The following ZDHHC14 variants were observed in gnomAD, a reference collection of about 807,000 sequenced individuals.
ZDHHC14 encodes zDHHC palmitoyltransferase 14.
ZDHHC14 carries 16 observed loss-of-function variants against 47.7 expected under a neutral mutation model. The ratio of observed to expected loss-of-function variants is 0.34; its 90% confidence interval spans 0.23 to 0.51. ZDHHC14 has a LOEUF of 0.51. ZDHHC14 is among the 20% of genes least tolerant of loss of function. The probability of loss-of-function intolerance (pLI) is 0.97; values close to 1 mark genes in which losing one functional copy is unlikely to be tolerated. For synonymous variants in ZDHHC14, 293 were observed against 278.9 expected (o/e 1.05, Z -0.50); for missense variants, 515 against 662.5 (o/e 0.78, Z 2.44).
At chr6:157,655,439 C>T (rs1472558371) in intron 8 of ZDHHC14, among the ~76,000 whole-genome samples, 1 of 152,194 alleles carries the variant, frequency 6.6e-6, no homozygotes, top group Admixed American at 6.5e-5. Context: ...ACACTGCATG[C>T]CTGCAAGCGC....
chr6:157,564,772 A>G (rs1197376540), intron 2 of ZDHHC14, among the ~76,000 whole-genome samples: 1 of 152,212 alleles, frequency 6.6e-6, no homozygotes, highest in Non-Finnish European at 1.5e-5. Flanking sequence ...TGCCAATCTT[A>G]TGATCAGACT....
intron 3 of ZDHHC14, among the ~76,000 whole-genome samples, chr6:157,607,180 C>T (rs755285348): frequency 6.6e-6 from 1 of 152,232 alleles, no homozygotes; most frequent in East Asian, 1.9e-4. Context: ...CGGGCCTCAG[C>T]GGAATGCTGA....
At chr6:157,415,869 G>T (rs1242660907) in intron 1 of ZDHHC14, among the ~76,000 whole-genome samples, 1 of 147,654 alleles carries the variant, frequency 6.8e-6, no homozygotes, top group East Asian at 2.0e-4. Flanking sequence ...GTAAGACTTT[G>T]TCTCAAAAAA....
intron 3 of ZDHHC14, among the ~76,000 whole-genome samples, chr6:157,600,685 C>T (rs903002465): frequency 1.3e-5 from 2 of 152,156 alleles, no homozygotes; most frequent in Non-Finnish European, 1.5e-5. Context: ...GGATTACAGG[C>T]GTGAGCCACC....
chr6:157,438,986 A>G (rs1278321967), intron 1 of ZDHHC14, among the ~76,000 whole-genome samples: 2 of 152,218 alleles, frequency 1.3e-5, no homozygotes, highest in Non-Finnish European at 2.9e-5. Context: ...TAGCCACTCC[A>G]CTGCTTAGAG....
intron 8 of ZDHHC14, among the ~76,000 whole-genome samples, chr6:157,656,575 A>T (rs917152185): frequency 1.3e-5 from 2 of 151,840 alleles, no homozygotes; most frequent in Non-Finnish European, 2.9e-5. Context: ...GCCTCAAGTG[A>T]TCCACCAGCC....
chr6:157,546,451 T>C (rs777190752), intron 2 of ZDHHC14, among the ~76,000 whole-genome samples: 8 of 152,202 alleles, frequency 5.3e-5, no homozygotes, highest in Non-Finnish European at 5.9e-5. Flanking sequence ...TTAAACAGCT[T>C]TCCCCTGTCT....
At chr6:157,597,783 G>C (rs141257827) in intron 3 of ZDHHC14, among the ~76,000 whole-genome samples, 1 of 152,222 alleles carries the variant, frequency 6.6e-6, no homozygotes. Flanking sequence ...GGGGGGCACC[G>C]AGCAGACCAG....
chr6:157,607,328 A>G (rs1325767800), intron 3 of ZDHHC14, among the ~76,000 whole-genome samples: 1 of 152,140 alleles, frequency 6.6e-6, no homozygotes, highest in African/African-American at 2.4e-5. Flanking sequence ...GTTTGTGTAG[A>G]TTTTTTTCAA....
intron 1 of ZDHHC14, among the ~76,000 whole-genome samples, 171 bp downstream of exon 1, chr6:157,382,437 C>T (rs1777233290): frequency 6.6e-6 from 1 of 152,130 alleles, no homozygotes; most frequent in Non-Finnish European, 1.5e-5. Context: ...CTTTTGGGCC[C>T]CCGGAAAGAA....
chr6:157,498,797 G>A (rs1443325135), intron 1 of ZDHHC14, among the ~76,000 whole-genome samples: 1 of 152,202 alleles, frequency 6.6e-6, no homozygotes, highest in East Asian at 1.9e-4. Flanking sequence ...AGTATATCCA[G>A]AGAATAGTGC....
chr6:157,615,298 G>A (rs1019515255), intron 3 of ZDHHC14, among the ~76,000 whole-genome samples: 6 of 152,194 alleles, frequency 3.9e-5, no homozygotes, highest in Non-Finnish European at 1.5e-5. Context: ...AGCTCCAGAC[G>A]TCTGTGCGGA....
At chr6:157,540,583 C>T (rs191624926) in intron 1 of ZDHHC14, among the ~76,000 whole-genome samples, 3 of 152,176 alleles carry the variant, frequency 2.0e-5, no homozygotes, top group Non-Finnish European at 2.9e-5. Context: ...CTCTCCTAAC[C>T]GGGTCTGTCT....
chr6:157,522,688 G>A (rs1039629124), intron 1 of ZDHHC14, among the ~76,000 whole-genome samples: 3 of 146,188 alleles, frequency 2.1e-5, no homozygotes, highest in African/African-American at 7.7e-5. Flanking sequence ...CCTACTCACT[G>A]TAAGAAGTTT....
intron 1 of ZDHHC14, among the ~76,000 whole-genome samples, chr6:157,412,666 G>C (rs983076658): frequency 6.6e-6 from 1 of 152,202 alleles, no homozygotes; most frequent in Non-Finnish European, 1.5e-5. Flanking sequence ...GGTGGAAATG[G>C]TGGTACAACT....
intron 3 of ZDHHC14, among the ~76,000 whole-genome samples, chr6:157,620,766 G>A (rs898415513): frequency 7.9e-5 from 12 of 152,318 alleles, no homozygotes; most frequent in South Asian, 2.1e-4. Context: ...CAGCAGAGAC[G>A]CTTTGGGTCC....
chr6:157,672,648 T>TCCCCC, intron 8 of ZDHHC14, 76 bp from the exon 9 acceptor site: 1 of 190,640 alleles, frequency 5.2e-6, no homozygotes, highest in Non-Finnish European at 9.8e-6. Flanking sequence ...GCCCGTGCCC[T>TCCCCC]GTCCCCATCC....
intron 1 of ZDHHC14, among the ~76,000 whole-genome samples, chr6:157,537,647 A>C (rs1387919922): frequency 1.3e-5 from 2 of 152,188 alleles, no homozygotes; most frequent in Non-Finnish European, 2.9e-5. Flanking sequence ...TTGAGACAGA[A>C]ATAGGATTCC....
chr6:157,632,427 A>T (rs939813939), intron 4 of ZDHHC14: 2 of 180,546 alleles, frequency 1.1e-5, no homozygotes, highest in Admixed American at 1.1e-4. Flanking sequence ...TAGAAAAAGA[A>T]TTCTTTTATA....
Sources: gnomAD v4.1 joint callset for allele counts (sites outside exome capture counted in the v4.1 genomes callset) on GRCh38, gnomAD v4.1.1 for gene constraint, MANE v1.5 for transcripts, NCBI Gene and HGNC (gene_info 2026-07-23, HGNC 2026-07-21) for gene names.